The following LRBA variants were observed in gnomAD, a reference collection of about 807,000 sequenced individuals.
LRBA encodes the protein lipopolysaccharide-responsive and beige-like anchor protein.
A neutral mutation model predicts 330.0 loss-of-function variants in LRBA; 176 were observed. The observed-to-expected ratio is 0.53, with a 90% confidence interval of 0.47 to 0.60. The LOEUF is 0.60. Among genes scored for constraint, LRBA ranks in the 20% least tolerant of loss-of-function variants. The pLI is 0.00. For missense variants in LRBA, 3,259 were observed against 3,444.8 expected (o/e 0.95, Z 1.35); for synonymous variants, 1,230 against 1,193.0 (o/e 1.03, Z -0.64).
rs1321691451 is a variant in LRBA at position 150,852,214 on chromosome 4, G to C, written c.3496C>G (p.Gln1166Glu). ...FQEGKPVTEK[Q>E]TDTETQDSKD... The stretch of plus-strand genomic sequence containing the variant: ...GAATCTTGAGTTTCAGTATCAGTTT[G>C]CTTTTCAGTAACAGGTTTTCCTTCT... The change falls in exon 23 of 57, where the codon CAA becomes GAA. Residue 1166 changes from glutamine to glutamate, a missense_variant. Transcript: ENST00000651943. 4.3e-6 allele frequency: 7 copies of C among 1,613,914 alleles called. No homozygotes were observed. The highest frequency in any genetic ancestry group is 5.9e-6 in the Non-Finnish European group (7 of 1,179,990).
At position 150,583,915 on chromosome 4, in the gene LRBA, C is replaced by T. The variant is rs893558986; in HGVS notation, c.6330+4133G>A. On this transcript the variant is annotated intron_variant, in intron 40 of 56. Transcript: ENST00000651943. The surrounding 1 kb of genome is among the most constrained non-coding windows in gnomAD (Gnocchi z 9.8). ...AGAAACGGACTGGGACGAGTCGTGC[C>T]TGGGCGACCGGCTCAACGGCATCCT... The T allele has an allele frequency of 1.2e-6, 2 of 1,612,602 alleles. No individual in the cohort carries two copies. The highest frequency in any genetic ancestry group is 2.7e-5 in the African/African-American group (2 of 74,942).
chr4:150,381,784 G>C (rs1220497522), intron 47 of LRBA, among the ~76,000 whole-genome samples: 4 of 111,800 alleles, frequency 3.6e-5, no homozygotes, highest in Non-Finnish European at 9.2e-5. Context: ...ACATTCCCAA[G>C]AGTAATGCCT....
At chr4:150,935,628 T>C (rs1735011801) in intron 2 of LRBA, among the ~76,000 whole-genome samples, 1 of 151,882 alleles carries the variant, frequency 6.6e-6, no homozygotes, top group Admixed American at 6.5e-5. Flanking sequence ...AATTTCTATC[T>C]GGGAATTAAA....
chr4:150,431,019 T>C (rs906466493), intron 46 of LRBA, among the ~76,000 whole-genome samples: 1 of 152,152 alleles, frequency 6.6e-6, no homozygotes, highest in Non-Finnish European at 1.5e-5. Flanking sequence ...ATAAATTGCC[T>C]AGAAAAGCTT....
chr4:150,883,976 A>T (rs1728675785), intron 17 of LRBA, among the ~76,000 whole-genome samples: 1 of 152,200 alleles, frequency 6.6e-6, no homozygotes, highest in African/African-American at 2.4e-5. Context: ...ACCGAAAAAA[A>T]TTTTCACTGA....
intron 47 of LRBA, among the ~76,000 whole-genome samples, chr4:150,382,585 T>G (rs1450109589): frequency 1.3e-5 from 2 of 149,494 alleles, no homozygotes; most frequent in Non-Finnish European, 3.0e-5. Context: ...ACTGTGCCAC[T>G]GCACTCCAGC....
At chr4:150,756,077 G>C (rs1306713742) in intron 35 of LRBA, among the ~76,000 whole-genome samples, 1 of 149,898 alleles carries the variant, frequency 6.7e-6, no homozygotes, top group African/African-American at 2.4e-5. Context: ...AACTCTGATA[G>C]AGGATTTGCA....
intron 23 of LRBA, among the ~76,000 whole-genome samples, chr4:150,851,289 A>G (rs992693994): frequency 6.6e-6 from 1 of 152,250 alleles, no homozygotes; most frequent in African/African-American, 2.4e-5. Flanking sequence ...AAACAGAGAT[A>G]ACATAATGAA....
At chr4:150,588,614 A>G (rs1366221173) in intron 39 of LRBA, among the ~76,000 whole-genome samples, 1 of 152,230 alleles carries the variant, frequency 6.6e-6, no homozygotes, top group Non-Finnish European at 1.5e-5. Flanking sequence ...TGGTAGAGGC[A>G]TGGCTACAAA....
intron 28 of LRBA, among the ~76,000 whole-genome samples, chr4:150,837,531 T>G (rs1578947790): frequency 1.3e-5 from 2 of 152,234 alleles, no homozygotes; most frequent in Admixed American, 6.5e-5. Flanking sequence ...GTTGAATTGA[T>G]CCCTTTACCA....
chr4:150,761,543 TC>T (rs1735089622), intron 35 of LRBA, among the ~76,000 whole-genome samples: 1 of 152,068 alleles, frequency 6.6e-6, no homozygotes, highest in Admixed American at 6.6e-5. Context: ...AGTTTACTTT[TC>T]CCAAACTCAG....
At chr4:150,276,783 T>C (rs1366321081) in intron 56 of LRBA, among the ~76,000 whole-genome samples, 2 of 152,198 alleles carry the variant, frequency 1.3e-5, no homozygotes, top group Non-Finnish European at 2.9e-5. Flanking sequence ...CAACAGATGC[T>C]GGAGAGGATG....
intron 47 of LRBA, among the ~76,000 whole-genome samples, chr4:150,367,990 G>T (rs1045542793): frequency 1.3e-5 from 2 of 152,048 alleles, no homozygotes; most frequent in Non-Finnish European, 2.9e-5. Context: ...CATAGACTAA[G>T]AAATAGTATA....
At chr4:150,725,234 T>C (rs1266517535) in intron 36 of LRBA, among the ~76,000 whole-genome samples, 1 of 151,750 alleles carries the variant, frequency 6.6e-6, no homozygotes, top group Non-Finnish European at 1.5e-5. Context: ...GAGAAAGATA[T>C]CAAATTCAAG....
chr4:150,504,140 A>G (rs1158025301), intron 40 of LRBA, among the ~76,000 whole-genome samples: 1 of 152,250 alleles, frequency 6.6e-6, no homozygotes, highest in Admixed American at 6.5e-5. Context: ...AGTGATGGGC[A>G]GAATGGAACC....
In LRBA at chr4:150,852,452, T is replaced by C. The variant is rs1220600998; in HGVS notation, c.3258A>G (p.Ser1086=). The stretch of plus-strand genomic sequence containing the variant: ...CTGGCATCTCTGAGGCATCCTCTTC[T>C]GAAGGAGAACTTATAGAAGCAGTTA... ...SEVTASISSP[S]EEDASEMPEF... is the part of the protein sequence containing the mutation. The change falls in exon 23 of 57, where the codon TCA becomes TCG. Residue 1086 remains serine (S), a synonymous_variant. Transcript: ENST00000651943. The C allele has an allele frequency of 2.5e-6, 4 of 1,613,526 alleles. No homozygotes were observed. The highest frequency in any genetic ancestry group is 1.7e-5 in the Admixed American group (1 of 60,006).
At chr4:150,580,077 G>A (rs1247631155) in intron 40 of LRBA, 1 of 231,664 alleles carries the variant, frequency 4.3e-6, no homozygotes, top group Non-Finnish European at 8.7e-6. Flanking sequence ...CCACAGGCGC[G>A]AACTCCGAGG....
At chr4:150,782,727 CAT>C (rs1158241011) in intron 34 of LRBA, among the ~76,000 whole-genome samples, 3 of 152,142 alleles carry the variant, frequency 2.0e-5, no homozygotes, top group Non-Finnish European at 2.9e-5. Context: ...AATAAACTAA[CAT>C]TCACAGGTTC....
chr4:150,559,672 T>A (rs1269932267), intron 40 of LRBA, among the ~76,000 whole-genome samples: 1 of 85,476 alleles, frequency 1.2e-5, no homozygotes, highest in African/African-American at 4.8e-5. Flanking sequence ...AATATATATA[T>A]TATATAATAT....
Sources: gnomAD v4.1 joint callset for allele counts (sites outside exome capture counted in the v4.1 genomes callset) on GRCh38, gnomAD v4.1.1 for gene constraint, Gnocchi (gnomAD v3.1) non-coding constraint, MANE v1.5 for transcripts, NCBI Gene and HGNC (gene_info 2026-07-23, HGNC 2026-07-21) for gene names.